SLC12A7: variants seen among roughly 807,000 people sequenced by gnomAD.
SLC12A7 encodes K-Cl cotransporter 4.
In SLC12A7, 100 loss-of-function variants were observed where a neutral mutation model predicts 120.6. The ratio of observed to expected loss-of-function variants is 0.83; its 90% confidence interval spans 0.71 to 0.98. SLC12A7 has a LOEUF of 0.98. Ranked by LOEUF, SLC12A7 falls within the 50% of genes least tolerant of loss-of-function variation. The pLI is 0.00. For synonymous variants in SLC12A7, 760 were observed against 678.0 expected, an observed-to-expected ratio of 1.12 and a Z score of -1.88; for missense variants, 1,373 against 1,548.1, an observed-to-expected ratio of 0.89 and a Z score of 1.90.
chr5:1,100,909 G>A (rs769622977), intron 1 of SLC12A7, among the ~76,000 whole-genome samples: 10 of 152,148 alleles, frequency 6.6e-5, no homozygotes, highest in South Asian at 2.1e-4. Context: ...AAGCACACCC[G>A]GGAAGAGGCA....
the SLC12A7 span, among the ~76,000 whole-genome samples, chr5:1,147,234 C>T: frequency 7.8e-6 from 1 of 129,026 alleles, no homozygotes; most frequent in Non-Finnish European, 1.6e-5. Context: ...CTCTCCTCAT[C>T]ACGGCCCACC....
the SLC12A7 span, among the ~76,000 whole-genome samples, chr5:1,132,931 G>A: frequency 6.6e-6 from 1 of 152,276 alleles, no homozygotes; most frequent in East Asian, 1.9e-4. Flanking sequence ...ATTTATTTTT[G>A]AGACAGTCTC....
intron 2 of SLC12A7, 61 bp from the exon 3 acceptor site, chr5:1,093,716 C>CT: frequency 1.2e-6 from 2 of 1,600,522 alleles, no homozygotes; most frequent in Non-Finnish European, 1.7e-6. Context: ...CCCGACCTCC[C>CT]TCCCCGTGTT....
rs146800575 is a variant in SLC12A7, at chr5:1,073,714, G to A, written c.2160C>T (p.Ala720=). The change falls in exon 17 of 24, where the codon GCC becomes GCT. Residue 720 remains alanine, a synonymous_variant. Transcript: ENST00000264930. ...AGCCCACGATGGTCAGGCCCTTGCC[G>A]GCCTTCAGCTGCGACGTGAAGGACA... ...RLLSFTSQLK[A]GKGLTIVGSV... The A allele has an allele frequency of 1.1e-4, 167 of 1,580,180 alleles. No homozygotes were observed. In the East Asian group the frequency reaches 1.1e-3, roughly 11 times the overall value.
intron 21 of SLC12A7, among the ~76,000 whole-genome samples, chr5:1,059,148 C>T (rs1204794491): frequency 6.6e-6 from 1 of 152,238 alleles, no homozygotes; most frequent in East Asian, 1.9e-4. Context: ...TCCTCCCAGA[C>T]ACTCCCGGCT....
the SLC12A7 span, among the ~76,000 whole-genome samples, chr5:1,147,220 G>A: frequency 1.3e-5 from 2 of 151,466 alleles, no homozygotes; most frequent in Non-Finnish European, 2.9e-5. Flanking sequence ...GAAGGGAGGA[G>A]GGACTCTCCT....
intron 17 of SLC12A7, among the ~76,000 whole-genome samples, chr5:1,066,757 G>A (rs148455893): frequency 1.6e-3 from 241 of 152,310 alleles, no homozygotes; most frequent in African/African-American, 5.6e-3. Context: ...AGGCACAGGC[G>A]CCCAGGGTCG....
intron 1 of SLC12A7, among the ~76,000 whole-genome samples, chr5:1,099,307 C>A (rs867300961): frequency 6.6e-6 from 1 of 151,988 alleles, no homozygotes; most frequent in African/African-American, 2.4e-5. Flanking sequence ...CTCCGGTGGA[C>A]GGCAGAACCC....
At chr5:1,126,237 G>C in the SLC12A7 span, among the ~76,000 whole-genome samples, 57 of 152,156 alleles carry the variant, frequency 3.7e-4, no homozygotes, top group East Asian at 0.011. Context: ...ACAGGCATGG[G>C]CCACCATGCC....
intron 1 of SLC12A7, among the ~76,000 whole-genome samples, chr5:1,098,166 C>T (rs1741520666): frequency 7.2e-6 from 1 of 139,362 alleles, no homozygotes; most frequent in Admixed American, 7.4e-5. Flanking sequence ...AGCCCAGCCC[C>T]CCTCTAACCC....
At chr5:1,136,325 CCAA>C in the SLC12A7 span, among the ~76,000 whole-genome samples, 1 of 152,176 alleles carries the variant, frequency 6.6e-6, no homozygotes, top group Non-Finnish European at 1.5e-5. Context: ...TGCACACACC[CCAA>C]CACCAGGACA....
the SLC12A7 span, among the ~76,000 whole-genome samples, chr5:1,155,386 G>A: frequency 6.6e-6 from 1 of 152,092 alleles, no homozygotes; most frequent in Non-Finnish European, 1.5e-5. Context: ...CTGCAGCCGC[G>A]GGAACAGCGA....
At chr5:1,057,761 T>A in intron 21 of SLC12A7, 112 bp from the exon 22 acceptor site, 2 of 1,057,582 alleles carry the variant, frequency 1.9e-6, no homozygotes, top group Non-Finnish European at 2.7e-6. Flanking sequence ...TGAAGGGCCC[T>A]GTGTGCCTGA....
At chr5:1,079,252 C>G in intron 10 of SLC12A7, 146 bp downstream of exon 10, 1 of 653,770 alleles carries the variant, frequency 1.5e-6, no homozygotes, top group Non-Finnish European at 2.7e-6. Context: ...TGCCCCGTCT[C>G]CCAGGGAGGA....
At chr5:1,082,948 TCGGG>T (rs1180114281) in intron 8 of SLC12A7, among the ~76,000 whole-genome samples, 3 of 144,360 alleles carry the variant, frequency 2.1e-5, no homozygotes, top group Admixed American at 1.4e-4. Context: ...GCTTCCCGTC[TCGGG>T]TTCTGGAAAG....
chr5:1,155,000 C>CG, the SLC12A7 span, among the ~76,000 whole-genome samples: 1 of 152,188 alleles, frequency 6.6e-6, no homozygotes, highest in African/African-American at 2.4e-5. Flanking sequence ...CCAAGGCTGG[C>CG]GGGGGGCACT....
chr5:1,105,957 G>GC (rs1742500228), intron 1 of SLC12A7, among the ~76,000 whole-genome samples: 1 of 152,152 alleles, frequency 6.6e-6, no homozygotes, highest in Non-Finnish European at 1.5e-5. Context: ...GCCCTGGCGG[G>GC]CCTCACACTC....
intron 22 of SLC12A7, chr5:1,056,619 A>T (rs1443888962): frequency 8.1e-6 from 8 of 983,698 alleles, no homozygotes; most frequent in Non-Finnish European, 9.7e-6. Flanking sequence ...AAAAAACAAG[A>T]GTGTGTTACT....
Position 1,065,309 on chromosome 5 carries a change from T to C in SLC12A7, c.2411A>G (p.Asn804Ser), listed in dbSNP as rs146804067. 209 of 1,578,658 alleles carry C rather than the reference T, an allele frequency of 1.3e-4. No individual in the cohort carries two copies. The African/African-American group carries it at 2.0e-3, about 15-fold the overall frequency. ...AWPASWKQED[N>S]PFSWKNFVDT... ...CACAAAGTTCTTCCAGGAGAAGGGG[T>C]TGTCCTCCTGCTTCCAGGATGCGGG... The change falls in exon 18 of 24, where the codon AAC (asparagine) becomes AGC (serine). Residue 804 changes from asparagine (N) to serine (S), a missense_variant. Coordinates refer to ENST00000264930, the MANE Select transcript of SLC12A7 (RefSeq NM_006598.3).
Sources: allele counts gnomAD v4.1 joint callset (sites outside exome capture counted in the v4.1 genomes callset), GRCh38; gene constraint gnomAD v4.1.1; transcripts MANE v1.5; gene names NCBI Gene and HGNC (gene_info 2026-07-23, HGNC 2026-07-21).